TMED5: variants seen among roughly 807,000 people sequenced by gnomAD.
TMED5 encodes the protein transmembrane p24 trafficking protein 5.
A neutral mutation model predicts 23.0 loss-of-function variants in TMED5; 27 were observed. The observed-to-expected ratio is 1.17, with a 90% CI of 0.86 to 1.62. TMED5 has a LOEUF of 1.62. TMED5 is among the 40% of genes most tolerant of loss of function. The pLI, the probability that TMED5 is intolerant of heterozygous loss-of-function variation, is 0.00. For synonymous variants in TMED5, 97 were observed against 100.8 expected (o/e 0.96, Z 0.23); for missense variants, 248 against 273.7 (o/e 0.91, Z 0.66).
At chr1:93,172,680 T>C (rs1024422690) in intron 1 of TMED5, among the ~76,000 whole-genome samples, 1 of 152,002 alleles carries the variant, frequency 6.6e-6, no homozygotes, top group Admixed American at 6.6e-5. Flanking sequence ...TACAGCCCTA[T>C]GGAAAACAAT....
At chr1:93,175,385 T>C (rs955550599) in intron 1 of TMED5, among the ~76,000 whole-genome samples, 22 of 147,230 alleles carry the variant, frequency 1.5e-4, no homozygotes, top group Non-Finnish European at 2.7e-4. Flanking sequence ...CATATTTATA[T>C]ATACATATAC....
In TMED5 at chr1:93,150,419, T is replaced by G. The variant is rs1024884657; in HGVS notation, c.*4251A>C. The G allele has an allele frequency of 6.6e-6, 1 of 152,346 alleles. No individual in the cohort carries two copies. The highest frequency in any genetic ancestry group is 1.9e-4 in the East Asian group (1 of 5,192). 9.4% of individuals were successfully genotyped at this position (152,346 alleles called of 1,614,324 possible). ...TTGGCTATTATAAATGAAGGTGCTA[T>G]GTAACATTTGTGAATGTTAAGTTTT... is the stretch of plus-strand genomic sequence containing the variant. On this transcript the variant is annotated 3_prime_UTR_variant, in exon 4 of 4. Coordinates refer to ENST00000370282, the MANE Select transcript of TMED5 (RefSeq NM_016040.5).
In TMED5 at chr1:93,180,371, G is replaced by A. The variant is rs1649310875; in HGVS notation, c.-129C>T. On this transcript the variant is annotated 5_prime_UTR_variant, in exon 1 of 4. Coordinates refer to ENST00000370282, the MANE Select transcript of TMED5 (RefSeq NM_016040.5). The stretch of plus-strand genomic sequence containing the variant: ...TGAAGAAACTCCAGGTGGCGGCCGC[G>A]GCGGCGGCGAACACTCCCTCCGAAA... 36 of 1,297,134 alleles carry A rather than the reference G, an allele frequency of 2.8e-5. No individual in the cohort carries two copies. Among genetic ancestry groups the A allele is most frequent in the Non-Finnish European group, 3.7e-5 (35 of 953,668 alleles). 80.4% of individuals were successfully genotyped at this position (1,297,134 alleles called of 1,614,324 possible). A position where few individuals can be genotyped will look rare whatever the true frequency, so the allele number is the denominator to read the frequency against.
chr1:93,180,111 C>G lies in TMED5; in HGVS notation c.132G>C (p.Gln44His). The change falls in exon 1 of 4, where the codon CAG (glutamine) becomes CAC (histidine). Residue 44 changes from glutamine to histidine, a missense_variant. Coordinates refer to ENST00000370282, the MANE Select transcript of TMED5 (RefSeq NM_016040.5). ...GCATGGGCTGGTAGAAGCACTCCTT[C>G]TGGCCGGCGGGAAGGGTAAAGGTGA... The part of the protein sequence containing the change: ...SDFTFTLPAG[Q>H]KECFYQPMPL... The G allele has an allele frequency of 6.2e-7, 1 of 1,613,876 alleles. No homozygotes were observed. The highest frequency in any genetic ancestry group is 8.5e-7 in the Non-Finnish European group (1 of 1,179,854).
chr1:93,154,139 CTAT>C lies in TMED5; in HGVS notation c.*528_*530del, dbSNP rs1286320697. On this transcript the variant is annotated 3_prime_UTR_variant, in exon 4 of 4. Coordinates refer to ENST00000370282, the MANE Select transcript of TMED5 (RefSeq NM_016040.5). ...TCAAAAACCTAATTGTATTTCAAAG[CTAT>C]TATTCTATTTACATTATAGGAGAGA... 7 of 152,716 alleles carry C rather than the reference CTAT, an allele frequency of 4.6e-5. No homozygotes were observed. The highest frequency in any genetic ancestry group is 2.6e-4 in the Admixed American group (4 of 15,278). 9.5% of individuals were successfully genotyped at this position (152,716 alleles called of 1,614,324 possible).
At position 93,153,538 on chromosome 1, in the gene TMED5, T is replaced by C. The variant is rs1327011543; in HGVS notation, c.*1132A>G. On this transcript the variant is annotated 3_prime_UTR_variant, in exon 4 of 4. Transcript: ENST00000370282. ...TTTCTTCCAGCTAACTGGAAATTAA[T>C]CATCTCCTTTGATTTATGTTATGAG... 6.6e-6 allele frequency: 1 copy of C among 152,158 alleles called. No individual in the cohort carries two copies. The highest frequency in any genetic ancestry group is 1.9e-4 in the East Asian group (1 of 5,200). 9.4% of individuals were successfully genotyped at this position (152,158 alleles called of 1,614,324 possible). A position where few individuals can be genotyped will look rare whatever the true frequency, so the allele number is the denominator to read the frequency against.
intron 2 of TMED5, chr1:93,158,817 T>C (rs12130734): frequency 0.64 from 309,421 of 484,048 alleles, 99,799 homozygotes; most frequent in South Asian, 0.68. Flanking sequence ...CCACCCACCT[T>C]GGCCTCGGAA....
chr1:93,160,898 T>G (rs1648252884), intron 1 of TMED5: 1 of 151,282 alleles, frequency 6.6e-6, no homozygotes, highest in Non-Finnish European at 1.5e-5. Flanking sequence ...ACTTTTTTGT[T>G]TCCTCTTCAA....
At chr1:93,163,561 C>T (rs898073899) in intron 1 of TMED5, among the ~76,000 whole-genome samples, 15 of 151,522 alleles carry the variant, frequency 9.9e-5, no homozygotes, top group South Asian at 4.2e-4. Flanking sequence ...AAGCTGGTCT[C>T]GGAACTCCTG....
chr1:93,166,116 A>G (rs139210972), intron 1 of TMED5, among the ~76,000 whole-genome samples: 3,196 of 152,356 alleles, frequency 0.021, 51 homozygotes, highest in Non-Finnish European at 0.033. Context: ...ATGGCTGAAT[A>G]GTACTCCATT....
rs1647921598 is a variant in TMED5 at position 93,152,703 on chromosome 1, TCA to T, written c.*1965_*1966del. On this transcript the variant is annotated 3_prime_UTR_variant, in exon 4 of 4. Transcript: ENST00000370282. Reference sequence around the variant, plus strand: ...CATACAGGAGAGGTAGAATTCTTAATCACAGTTTTATAGAAAAGATGCAGTAG... The same window carrying T: ...CATACAGGAGAGGTAGAATTCTTAATCAGTTTTATAGAAAAGATGCAGTAG... 6.6e-6 allele frequency: 1 copy of T among 152,584 alleles called. No homozygotes were observed. Among genetic ancestry groups the T allele is most frequent in the South Asian group, 2.1e-4 (1 of 4,836 alleles). The allele number at this position is 152,584 out of a possible 1,614,324, so 9.5% of individuals were successfully genotyped here. A position where few individuals can be genotyped will look rare whatever the true frequency, so the allele number is the denominator to read the frequency against.
chr1:93,160,374 A>T, intron 1 of TMED5, 148 bp from the exon 2 acceptor site: 1 of 512,842 alleles, frequency 1.9e-6, no homozygotes, highest in Non-Finnish European at 3.5e-6. Context: ...GAACCAAAAG[A>T]TCATCTAGTT....
Position 93,163,572 on chromosome 1 carries a change from A to T in TMED5, c.190-3346T>A, listed in dbSNP as rs181334957. On this transcript the variant is annotated intron_variant, in intron 1 of 3. Coordinates refer to ENST00000370282, the MANE Select transcript of TMED5 (RefSeq NM_016040.5). Reference sequence around the variant, plus strand: ...GGCCAAGCTGGTCTCGGAACTCCTGACCTCAAGTGATCCGCCCATCTCAGC... The same window carrying T: ...GGCCAAGCTGGTCTCGGAACTCCTGTCCTCAAGTGATCCGCCCATCTCAGC... Among the ~76,000 whole-genome samples the T allele has an allele frequency of 7.9e-5, 12 of 151,768 alleles. No homozygotes were observed. In the East Asian group the frequency reaches 2.4e-3, roughly 30 times the overall value.
chr1:93,160,174 C>A lies in TMED5; in HGVS notation c.242G>T (p.Gly81Val). ...TCTTTGTTCAAAAACTAAGGTTTTG[C>A]CTTCTGGAGAGGCAAGATGGAAATC... The part of the protein sequence containing the change: ...DIDFHLASPE[G>V]KTLVFEQRKS... The change falls in exon 2 of 4, where the codon GGC becomes GTC. Residue 81 changes from glycine to valine, a missense_variant. By Grantham distance (109) the Gly-to-Val change is moderately radical. Transcript: ENST00000370282. The A allele has an allele frequency of 6.2e-7, 1 of 1,613,302 alleles. No individual in the cohort carries two copies.
At chr1:93,174,648 C>T (rs2101166331) in intron 1 of TMED5, among the ~76,000 whole-genome samples, 2 of 152,272 alleles carry the variant, frequency 1.3e-5, no homozygotes, top group East Asian at 3.9e-4. Context: ...TTCCACCCTC[C>T]CTCCTCAAGT....
chr1:93,177,359 C>T (rs1045083063), intron 1 of TMED5, among the ~76,000 whole-genome samples: 4 of 152,042 alleles, frequency 2.6e-5, no homozygotes, highest in Admixed American at 2.0e-4. Flanking sequence ...TGGCAGATCA[C>T]TTGAGATCAG....
rs1428094495 is a variant in TMED5 at position 93,150,275 on chromosome 1, C to T, written c.*4395G>A. ...ACCCAAGCATAATTCCCTTGAGGTC[C>T]ATGCAATTTGTTACATGTATCAGTA... On this transcript the variant is annotated 3_prime_UTR_variant, in exon 4 of 4. Transcript: ENST00000370282. 6.6e-6 allele frequency: 1 copy of T among 152,174 alleles called. No homozygotes were observed. The highest frequency in any genetic ancestry group is 1.5e-5 in the Non-Finnish European group (1 of 68,040). The allele number at this position is 152,174 out of a possible 1,614,324, so 9.4% of individuals were successfully genotyped here.
chr1:93,169,882 TACACACAC>T (rs59467244), intron 1 of TMED5, among the ~76,000 whole-genome samples: 116 of 130,600 alleles, frequency 8.9e-4, no homozygotes, highest in African/African-American at 2.4e-3. Flanking sequence ...ACCCTGTCTG[TACACACAC>T]ACACACACAC....
chr1:93,179,379 A>C (rs902069626), intron 1 of TMED5, among the ~76,000 whole-genome samples: 51 of 152,242 alleles, frequency 3.3e-4, no homozygotes, highest in African/African-American at 1.1e-3. Context: ...AAAAAAAAAA[A>C]AAAAAACAAT....
Sources: allele counts gnomAD v4.1 joint callset (sites outside exome capture counted in the v4.1 genomes callset), GRCh38; gene constraint gnomAD v4.1.1; transcripts MANE v1.5; gene names NCBI Gene and HGNC (gene_info 2026-07-23, HGNC 2026-07-21).